MYO5B: variants seen among roughly 807,000 people sequenced by gnomAD.
The protein encoded by MYO5B is unconventional myosin-Vb.
In MYO5B, 143 loss-of-function variants were observed where a neutral mutation model predicts 229.3. The ratio of observed to expected loss-of-function variants is 0.62; its 90% CI spans 0.54 to 0.72. The LOEUF is 0.72. Among genes scored for constraint, MYO5B ranks in the 30% least tolerant of loss-of-function variants. The probability of loss-of-function intolerance (pLI) is 0.00; values close to 1 mark genes in which losing one functional copy is unlikely to be tolerated. For synonymous variants in MYO5B, 918 were observed against 885.2 expected (o/e 1.04, Z -0.66); for missense variants, 2,321 against 2,331.0 (o/e 1.00, Z 0.09).
chr18:50,173,277 G>GAA (rs34753578), intron 1 of MYO5B, among the ~76,000 whole-genome samples: 4 of 115,224 alleles, frequency 3.5e-5, no homozygotes, highest in Admixed American at 9.0e-5. Context: ...AAAAACAGAA[G>GAA]AAAAAAAAAA....
chr18:49,872,779 T>C (rs535555429), intron 26 of MYO5B, among the ~76,000 whole-genome samples: 1 of 152,126 alleles, frequency 6.6e-6, no homozygotes, highest in Non-Finnish European at 1.5e-5. Context: ...AAGCAAATTC[T>C]CCCTTAAAGC....
At chr18:50,122,584 G>C (rs897755183) in intron 1 of MYO5B, among the ~76,000 whole-genome samples, 1 of 117,934 alleles carries the variant, frequency 8.5e-6, no homozygotes, top group South Asian at 3.4e-4. Context: ...GAGGGAGAGA[G>C]GAAGAGAGGG....
chr18:49,959,489 G>A (rs1224911737), intron 12 of MYO5B, among the ~76,000 whole-genome samples: 4 of 152,176 alleles, frequency 2.6e-5, no homozygotes, highest in Admixed American at 2.6e-4. Context: ...AGCAGGCTGG[G>A]CCAGGTGAGG....
At chr18:49,889,110 A>T (rs1469067448) in intron 22 of MYO5B, among the ~76,000 whole-genome samples, 3 of 152,272 alleles carry the variant, frequency 2.0e-5, no homozygotes, top group African/African-American at 7.2e-5. Flanking sequence ...GCATTCCCTC[A>T]GTCACAACTA....
intron 14 of MYO5B, among the ~76,000 whole-genome samples, chr18:49,942,754 T>G (rs1043205456): frequency 6.6e-6 from 1 of 152,016 alleles, no homozygotes; most frequent in South Asian, 2.1e-4. Flanking sequence ...GGAACACTTT[T>G]ACACTGTTGG....
chr18:50,105,391 T>C (rs1256402588), intron 1 of MYO5B, among the ~76,000 whole-genome samples: 2 of 152,086 alleles, frequency 1.3e-5, no homozygotes, highest in Non-Finnish European at 2.9e-5. Context: ...CTTAAACAAT[T>C]ACTTTCTACC....
chr18:49,973,967 T>C (rs1237851778), intron 10 of MYO5B, among the ~76,000 whole-genome samples: 1 of 152,174 alleles, frequency 6.6e-6, no homozygotes, highest in Non-Finnish European at 1.5e-5. Flanking sequence ...AATAAAACAT[T>C]ACTGAGATAC....
chr18:50,034,910 C>T (rs906125822), intron 4 of MYO5B, among the ~76,000 whole-genome samples: 1 of 152,152 alleles, frequency 6.6e-6, no homozygotes, highest in Admixed American at 6.5e-5. Context: ...AACCTTAAAA[C>T]CTTAAAGAAA....
At chr18:50,067,870 G>A (rs779345454) in intron 1 of MYO5B, among the ~76,000 whole-genome samples, 1 of 152,030 alleles carries the variant, frequency 6.6e-6, no homozygotes, top group African/African-American at 2.4e-5. Context: ...ACTAAAAACG[G>A]ACTAAGACAA....
At chr18:50,036,241 C>T (rs2026447241) in intron 4 of MYO5B, among the ~76,000 whole-genome samples, 1 of 152,216 alleles carries the variant, frequency 6.6e-6, no homozygotes, top group African/African-American at 2.4e-5. Context: ...TACAGCCCAT[C>T]ACCCAACCCA....
intron 1 of MYO5B, among the ~76,000 whole-genome samples, chr18:50,115,547 GACACAC>G (rs56886992): frequency 0.31 from 38,354 of 124,752 alleles, 5,153 homozygotes; most frequent in Admixed American, 0.45. Flanking sequence ...CACACAGAGA[GACACAC>G]ACACACACAC....
At chr18:49,951,277 C>T (rs2025428459) in intron 14 of MYO5B, among the ~76,000 whole-genome samples, 1 of 152,180 alleles carries the variant, frequency 6.6e-6, no homozygotes, top group Non-Finnish European at 1.5e-5. Flanking sequence ...TAACTATATG[C>T]TAAGTTCTGT....
intron 1 of MYO5B, among the ~76,000 whole-genome samples, chr18:50,174,880 C>T (rs115085040): frequency 1.2e-3 from 176 of 152,332 alleles, no homozygotes; most frequent in African/African-American, 4.0e-3. Context: ...TGGCCTCAGA[C>T]ATCAGGCCCT....
At chr18:49,977,433 C>T (rs548376691) in intron 9 of MYO5B, among the ~76,000 whole-genome samples, 2 of 152,078 alleles carry the variant, frequency 1.3e-5, no homozygotes, top group Non-Finnish European at 2.9e-5. Flanking sequence ...GGAAAGACAG[C>T]CTTTCCAATA....
At chr18:50,086,273 C>CATT (rs1222021162) in intron 1 of MYO5B, among the ~76,000 whole-genome samples, 2 of 152,210 alleles carry the variant, frequency 1.3e-5, no homozygotes, top group East Asian at 3.9e-4. Context: ...AAAAGACAGC[C>CATT]ATTATCTTGA....
intron 1 of MYO5B, among the ~76,000 whole-genome samples, chr18:50,083,613 G>A (rs1355895893): frequency 1.3e-5 from 2 of 152,204 alleles, no homozygotes; most frequent in Non-Finnish European, 2.9e-5. Context: ...TCACAGCACT[G>A]AGCACACAAA....
At chr18:49,961,662 T>G (rs1185678232) in intron 12 of MYO5B, among the ~76,000 whole-genome samples, 1 of 152,214 alleles carries the variant, frequency 6.6e-6, no homozygotes, top group Non-Finnish European at 1.5e-5. Context: ...TTTTGCAGAT[T>G]AGATGAACCC....
At chr18:50,092,164 A>G (rs1293457592) in intron 1 of MYO5B, among the ~76,000 whole-genome samples, 2 of 152,238 alleles carry the variant, frequency 1.3e-5, no homozygotes, top group South Asian at 2.1e-4. Context: ...ATCCAAATGA[A>G]TAACTGCCTG....
At chr18:49,925,293 T>A (rs950195407) in intron 17 of MYO5B, among the ~76,000 whole-genome samples, 1 of 152,246 alleles carries the variant, frequency 6.6e-6, no homozygotes, top group South Asian at 2.1e-4. Flanking sequence ...CAGAAAATCT[T>A]TGAATATGCC....
Sources: gnomAD v4.1 joint callset for allele counts (sites outside exome capture counted in the v4.1 genomes callset) on GRCh38, gnomAD v4.1.1 for gene constraint, MANE v1.5 for transcripts, NCBI Gene and HGNC (gene_info 2026-07-23, HGNC 2026-07-21) for gene names.